TMEM184C: variants seen among roughly 807,000 people sequenced by gnomAD.
The protein encoded by TMEM184C is transmembrane protein 34.
TMEM184C carries 25 observed loss-of-function variants against 54.5 expected under a neutral mutation model. That is an observed-to-expected ratio of 0.46 (90% CI 0.33 to 0.64). The LOEUF is 0.64. Ranked by LOEUF, TMEM184C falls within the 30% of genes least tolerant of loss-of-function variation. TMEM184C has a pLI of 0.02. For missense variants in TMEM184C, 335 were observed against 520.3 expected (o/e 0.64, Z 3.46); for synonymous variants, 148 against 181.5 (o/e 0.82, Z 1.49).
chr4:147,619,255 T>C (rs1041719522), intron 1 of TMEM184C, among the ~76,000 whole-genome samples: 1 of 151,960 alleles, frequency 6.6e-6, no homozygotes, highest in Non-Finnish European at 1.5e-5. Context: ...TGGAGTGCAG[T>C]GGCGCGATCT....
intron 1 of TMEM184C, among the ~76,000 whole-genome samples, 177 bp downstream of exon 1, chr4:147,618,256 T>TAC (rs1366378716): frequency 4.6e-5 from 7 of 152,222 alleles, no homozygotes; most frequent in African/African-American, 1.7e-4. Context: ...CAAGTCATGC[T>TAC]ACAGGTGGAG....
chr4:147,617,728 G>T lies in TMEM184C; in HGVS notation c.-229G>T. 2.0e-6 allele frequency: 1 copy of T among 498,260 alleles called. No homozygotes were observed. The allele number at this position is 498,260 out of a possible 1,614,324, so 30.9% of individuals were successfully genotyped here. A position where few individuals can be genotyped will look rare whatever the true frequency, so the allele number is the denominator to read the frequency against. ...AGATGCGGGGTGGAGAAGAAAGGAT[G>T]TTGCCTGCACTGCTCGCCAATAGCA... On this transcript the variant is annotated 5_prime_UTR_variant, in exon 1 of 10. It removes an upstream start codon present in the reference 5' UTR. Coordinates refer to ENST00000296582, the MANE Select transcript of TMEM184C (RefSeq NM_018241.3).
chr4:147,624,604 A>G (rs1475482389), intron 3 of TMEM184C, among the ~76,000 whole-genome samples, 200 bp from the exon 4 acceptor site: 1 of 152,166 alleles, frequency 6.6e-6, no homozygotes, highest in Non-Finnish European at 1.5e-5. Flanking sequence ...TTGTTTACCA[A>G]TATCTAAGAT....
Position 147,633,805 on chromosome 4 carries a change from C to T in TMEM184C, c.920C>T (p.Ala307Val), listed in dbSNP as rs769371989. The T allele has an allele frequency of 1.2e-6, 2 of 1,610,238 alleles. No individual in the cohort carries two copies. Among genetic ancestry groups the T allele is most frequent in the African/African-American group, 1.3e-5 (1 of 74,898 alleles). ...ATTGAGATGTTCCTCGCTGCCATTG[C>T]TCATCATTACACATTCTCATATAAA... ...ICIEMFLAAIAHHYTFSYKPY... is the reference protein window; with the variant it reads ...ICIEMFLAAIVHHYTFSYKPY... The change falls in exon 9 of 10, where the codon GCT becomes GTT. Residue 307 changes from alanine (A) to valine (V), a missense_variant. Physicochemically the swap from Ala to Val is moderately conservative, Grantham distance 64 (BLOSUM62 0). Coordinates refer to ENST00000296582, the MANE Select transcript of TMEM184C (RefSeq NM_018241.3).
At chr4:147,626,049 G>T (rs2126550506) in intron 4 of TMEM184C, among the ~76,000 whole-genome samples, 1 of 152,230 alleles carries the variant, frequency 6.6e-6, no homozygotes, top group South Asian at 2.1e-4. Flanking sequence ...GGGCCACAAG[G>T]TGAGATGAGC....
intron 1 of TMEM184C, 56 bp downstream of exon 1, chr4:147,618,135 G>A (rs1732633776): frequency 1.2e-6 from 2 of 1,608,046 alleles, no homozygotes; most frequent in African/African-American, 2.7e-5. Flanking sequence ...TCTATGGTTG[G>A]GAAAGAGACA....
chr4:147,618,566 T>A (rs1216501220), intron 1 of TMEM184C, among the ~76,000 whole-genome samples: 2 of 152,182 alleles, frequency 1.3e-5, no homozygotes. Context: ...TTATATATAT[T>A]TTTTGATGTC....
At chr4:147,626,750 G>T (rs947351281) in intron 4 of TMEM184C, among the ~76,000 whole-genome samples, 1 of 152,224 alleles carries the variant, frequency 6.6e-6, no homozygotes, top group African/African-American at 2.4e-5. Flanking sequence ...TTGGTTAGGA[G>T]AGTTAGGAAT....
intron 8 of TMEM184C, 113 bp downstream of exon 8, chr4:147,633,115 C>A: frequency 1.2e-6 from 1 of 812,142 alleles, no homozygotes; most frequent in South Asian, 2.2e-5. Flanking sequence ...CCTCACTTTA[C>A]AGGTGAGAAA....
At chr4:147,628,816 CTAAG>C (rs1732860592) in intron 5 of TMEM184C, among the ~76,000 whole-genome samples, 1 of 152,110 alleles carries the variant, frequency 6.6e-6, no homozygotes, top group South Asian at 2.1e-4. Flanking sequence ...TAGAAGTACT[CTAAG>C]AAAGAAGTCA....
At chr4:147,632,564 C>T (rs1262745965) in intron 7 of TMEM184C, 1 of 189,026 alleles carries the variant, frequency 5.3e-6, no homozygotes, top group Non-Finnish European at 1.1e-5. Flanking sequence ...AATTTTTTTA[C>T]CATTATAAGA....
chr4:147,633,936 G>GGTAA lies in TMEM184C; in HGVS notation c.1051+4_1051+7dup, dbSNP rs775871927. 1.8e-5 allele frequency: 29 copies of GGTAA among 1,610,686 alleles called. 1 individual carries two copies. In the South Asian group the frequency reaches 3.1e-4, roughly 17 times the overall value. The stretch of plus-strand genomic sequence containing the variant: ...TATTTCTGAACAAGTAAGGCATGTT[G>GGTAA]GTAAGTACCAGCTATTTAATTCAAC... On this transcript the variant is annotated frameshift_variant and splice_region_variant. Transcript: ENST00000296582. LOFTEE classifies it high-confidence loss of function.
At position 147,617,470 on chromosome 4, in the gene TMEM184C, A is replaced by G. The variant is rs1295966930; in HGVS notation, c.-487A>G. On this transcript the variant is annotated 5_prime_UTR_variant, in exon 1 of 10. An upstream open reading frame in the 5' UTR loses its in-frame stop. Coordinates refer to ENST00000296582, the MANE Select transcript of TMEM184C (RefSeq NM_018241.3). ...AGGAGATCCTGGGGCCTTACCTACT[A>G]GCGGAATCGACTGAAGAGACGCCTG... is the stretch of plus-strand genomic sequence containing the variant. The G allele has an allele frequency of 1.2e-5, 2 of 162,828 alleles. No homozygotes were observed. Among genetic ancestry groups the G allele is most frequent in the Non-Finnish European group, 2.7e-5 (2 of 72,738 alleles). 10.1% of individuals were successfully genotyped at this position (162,828 alleles called of 1,614,324 possible).
chr4:147,633,636 A>G (rs1732956314), intron 8 of TMEM184C, 129 bp from the exon 9 acceptor site: 1 of 766,028 alleles, frequency 1.3e-6, no homozygotes, highest in Non-Finnish European at 1.8e-6. Flanking sequence ...GGAAAAATGA[A>G]TATAATCTGA....
In TMEM184C at chr4:147,635,695, C is replaced by G. The variant is rs1239004568; in HGVS notation, c.*1261C>G. On this transcript the variant is annotated 3_prime_UTR_variant, in exon 10 of 10. Coordinates refer to ENST00000296582, the MANE Select transcript of TMEM184C (RefSeq NM_018241.3). ...TCTTTATTCCATCCACTATTATAAACATTTCTATTAAAACTAAAACTGGGC... is the reference window on the plus strand; with the variant it reads ...TCTTTATTCCATCCACTATTATAAAGATTTCTATTAAAACTAAAACTGGGC... 6.6e-6 allele frequency: 1 copy of G among 152,028 alleles called. No individual in the cohort carries two copies. The highest frequency in any genetic ancestry group is 1.5e-5 in the Non-Finnish European group (1 of 67,978). The allele number at this position is 152,028 out of a possible 1,614,324, so 9.4% of individuals were successfully genotyped here. A position where few individuals can be genotyped will look rare whatever the true frequency, so the allele number is the denominator to read the frequency against.
rs889699880 is a variant in TMEM184C at position 147,634,947 on chromosome 4, G to C, written c.*513G>C. The C allele has an allele frequency of 2.0e-5, 3 of 152,400 alleles. No homozygotes were observed. The highest frequency in any genetic ancestry group is 7.3e-5 in the African/African-American group (3 of 41,306). 9.4% of individuals were successfully genotyped at this position (152,400 alleles called of 1,614,324 possible). ...TCACCATGTTAGCCAGGATGGTCTT[G>C]ATCTGACCTCGTGATCCGCCGACCT... On this transcript the variant is annotated 3_prime_UTR_variant, in exon 10 of 10. Coordinates refer to ENST00000296582, the MANE Select transcript of TMEM184C (RefSeq NM_018241.3).
chr4:147,633,982 T>C, intron 9 of TMEM184C, 46 bp downstream of exon 9: 1 of 1,574,468 alleles, frequency 6.4e-7, no homozygotes, highest in Middle Eastern at 1.7e-4. Flanking sequence ...GGGTAGGATA[T>C]TGAATTTCTC....
intron 5 of TMEM184C, among the ~76,000 whole-genome samples, chr4:147,628,870 G>C (rs1345834761): frequency 1.3e-5 from 2 of 152,036 alleles, no homozygotes. Context: ...TTAGAATTGA[G>C]GTAAAATGGG....
chr4:147,629,774 G>C (rs532782989), intron 6 of TMEM184C, 82 bp downstream of exon 6: 1 of 882,108 alleles, frequency 1.1e-6, no homozygotes, highest in African/African-American at 1.8e-5. Flanking sequence ...TTCTTCTTAG[G>C]ATAAGGCTTG....
Sources: gnomAD v4.1 joint callset for allele counts (sites outside exome capture counted in the v4.1 genomes callset) on GRCh38, gnomAD v4.1.1 for gene constraint, MANE v1.5 for transcripts, NCBI Gene and HGNC (gene_info 2026-07-23, HGNC 2026-07-21) for gene names.